SLC35F3: variants seen among roughly 807,000 people sequenced by gnomAD.
SLC35F3 encodes solute carrier family 35 member F3, also known as putative thiamine transporter SLC35F3.
SLC35F3 carries 25 observed loss-of-function variants against 49.9 expected under a neutral mutation model. That is an observed-to-expected ratio of 0.50 (90% CI 0.37 to 0.70). The LOEUF (loss-of-function observed/expected upper bound fraction) is 0.70. SLC35F3 is among the 30% of genes least tolerant of loss of function. The pLI is 0.00. For synonymous variants in SLC35F3, 275 were observed against 265.4 expected (o/e 1.04, Z -0.35); for missense variants, 525 against 639.8 (o/e 0.82, Z 1.94).
intron 2 of SLC35F3, among the ~76,000 whole-genome samples, chr1:233,923,894 G>A (rs959979419): frequency 6.6e-6 from 1 of 152,144 alleles, no homozygotes; most frequent in African/African-American, 2.4e-5. Context: ...TGCATCTATT[G>A]AGATAATCAT....
At chr1:234,079,980 T>TA (rs1214636177) in intron 2 of SLC35F3, among the ~76,000 whole-genome samples, 2 of 152,110 alleles carry the variant, frequency 1.3e-5, no homozygotes, top group Non-Finnish European at 1.5e-5. Flanking sequence ...TTGTTATTCT[T>TA]AAAAAACCCC....
intron 3 of SLC35F3, among the ~76,000 whole-genome samples, chr1:234,284,134 G>T (rs1668372815): frequency 6.6e-6 from 1 of 152,056 alleles, no homozygotes; most frequent in African/African-American, 2.4e-5. Context: ...TGAACTCCCG[G>T]GCTCAAGCAA....
intron 3 of SLC35F3, among the ~76,000 whole-genome samples, chr1:234,260,479 T>C (rs1390925504): frequency 6.6e-6 from 1 of 152,210 alleles, no homozygotes. Context: ...GGTTTCTCTA[T>C]ATGAGTTCTG....
At chr1:234,250,413 G>A (rs751049297) in intron 3 of SLC35F3, among the ~76,000 whole-genome samples, 3 of 152,168 alleles carry the variant, frequency 2.0e-5, no homozygotes, top group Non-Finnish European at 4.4e-5. Context: ...CCAGCACTTT[G>A]GGAGGCCGAG....
chr1:234,141,830 CTT>C (rs56271368), intron 2 of SLC35F3, among the ~76,000 whole-genome samples: 9,739 of 152,266 alleles, frequency 0.064, 503 homozygotes, highest in African/African-American at 0.13. Flanking sequence ...AGCCCTAACT[CTT>C]TTGCTTAGAT....
At position 234,168,431 on chromosome 1, in the gene SLC35F3, T is replaced by C. The variant is rs112846908; in HGVS notation, c.284-62986T>C. Among the ~76,000 whole-genome samples, 456 of 152,340 alleles carry C rather than the reference T, an allele frequency of 3.0e-3. 1 individual carries two copies. Among genetic ancestry groups the C allele is most frequent in the Non-Finnish European group, 5.0e-3 (343 of 68,026 alleles). On this transcript the variant is annotated intron_variant, in intron 2 of 7. Transcript: ENST00000366618. ...TCTAGAGCCCTTCATTCTCCCTTTC[T>C]GTAATTAATAAAGTGGAGGTGCAGG...
At chr1:234,188,069 C>T (rs1666673623) in intron 2 of SLC35F3, among the ~76,000 whole-genome samples, 1 of 152,038 alleles carries the variant, frequency 6.6e-6, no homozygotes, top group African/African-American at 2.4e-5. Context: ...AACCCCGTCT[C>T]TACTAAAAAT....
In SLC35F3 at chr1:234,037,509, TA is replaced by T. The variant is rs775384316; in HGVS notation, c.283+131755del. ...TTCTGTTCACAAGAGGTACAGTGAA[TA>T]AAACAGACAATAGCCCTACTTCATG... On this transcript the variant is annotated intron_variant, in intron 2 of 7. Coordinates refer to ENST00000366618, the MANE Select transcript of SLC35F3 (RefSeq NM_173508.4). Among the ~76,000 whole-genome samples the T allele has an allele frequency of 5.9e-5, 9 of 152,334 alleles. No homozygotes were observed. The South Asian group carries it at 8.3e-4, about 14-fold the overall frequency.
intron 2 of SLC35F3, among the ~76,000 whole-genome samples, chr1:234,013,481 C>A (rs566042431): frequency 1.4e-5 from 2 of 144,948 alleles, no homozygotes; most frequent in South Asian, 2.2e-4. Flanking sequence ...AAGGAAATAA[C>A]AAAAATCAAA....
intron 2 of SLC35F3, among the ~76,000 whole-genome samples, chr1:234,152,511 A>G (rs1053744836): frequency 3.9e-5 from 6 of 152,142 alleles, no homozygotes; most frequent in Non-Finnish European, 7.4e-5. Flanking sequence ...GCTTGCTGAG[A>G]ATGATGGTTT....
chr1:233,963,761 C>T (rs1233652792), intron 2 of SLC35F3, among the ~76,000 whole-genome samples: 1 of 152,198 alleles, frequency 6.6e-6, no homozygotes, highest in African/African-American at 2.4e-5. Flanking sequence ...TCTTACACTG[C>T]TGACTAATCT....
intron 3 of SLC35F3, among the ~76,000 whole-genome samples, chr1:234,275,436 C>T (rs1051929437): frequency 6.6e-6 from 1 of 152,144 alleles, no homozygotes; most frequent in Non-Finnish European, 1.5e-5. Context: ...AATTTCATTC[C>T]CCTGAATTCC....
At position 234,067,129 on chromosome 1, in the gene SLC35F3, A is replaced by T. The variant is rs563114564; in HGVS notation, c.283+161371A>T. On this transcript the variant is annotated intron_variant, in intron 2 of 7. Transcript: ENST00000366618. ...TTTGTTATATCCCATTTTAATAAGG[A>T]CATAAGTATATTGCAGAGGCAATTG... Among the ~76,000 whole-genome samples the T allele has an allele frequency of 4.6e-5, 7 of 152,218 alleles. No homozygotes were observed. In the South Asian group the frequency reaches 1.5e-3, roughly 32 times the overall value.
chr1:234,281,936 G>A (rs1023071152), intron 3 of SLC35F3, among the ~76,000 whole-genome samples: 5 of 152,204 alleles, frequency 3.3e-5, no homozygotes, highest in African/African-American at 1.2e-4. Flanking sequence ...TGGCCAGGGA[G>A]CAAGGAGCAC....
At chr1:234,018,599 G>A (rs991322207) in intron 2 of SLC35F3, among the ~76,000 whole-genome samples, 1 of 152,184 alleles carries the variant, frequency 6.6e-6, no homozygotes, top group Non-Finnish European at 1.5e-5. Context: ...GCACTGGGAA[G>A]ACAAACATTT....
chr1:234,202,131 C>T (rs1666909211), intron 2 of SLC35F3, among the ~76,000 whole-genome samples: 1 of 152,122 alleles, frequency 6.6e-6, no homozygotes, highest in Admixed American at 6.5e-5. Flanking sequence ...AGCCATTATC[C>T]TCAGCAAACT....
chr1:233,944,869 G>A (rs6586398), intron 2 of SLC35F3, among the ~76,000 whole-genome samples: 23,245 of 152,014 alleles, frequency 0.15, 2,615 homozygotes, highest in African/African-American at 0.32. Flanking sequence ...TAGAGGGGAC[G>A]GAAGGGACCA....
intron 3 of SLC35F3, among the ~76,000 whole-genome samples, chr1:234,240,308 GA>G (rs1174935833): frequency 6.6e-6 from 1 of 151,532 alleles, no homozygotes; most frequent in Non-Finnish European, 1.5e-5. Flanking sequence ...CGTCTCTACT[GA>G]AAACACAAAA....
intron 2 of SLC35F3, among the ~76,000 whole-genome samples, chr1:234,028,666 A>G (rs1572024884): frequency 1.3e-5 from 2 of 152,232 alleles, no homozygotes; most frequent in South Asian, 4.1e-4. Flanking sequence ...CAATACTAAT[A>G]CAGAGCAAGA....
Sources: allele counts gnomAD v4.1 joint callset (sites outside exome capture counted in the v4.1 genomes callset), GRCh38; gene constraint gnomAD v4.1.1; transcripts MANE v1.5; gene names NCBI Gene and HGNC (gene_info 2026-07-23, HGNC 2026-07-21).